CNEP1R1: variants seen among roughly 807,000 people sequenced by gnomAD.
CNEP1R1 encodes the protein nuclear envelope phosphatase-regulatory subunit 1.
A neutral mutation model predicts 22.7 loss-of-function variants in CNEP1R1; 10 were observed. That is an observed-to-expected ratio of 0.44 (90% CI 0.27 to 0.75). The LOEUF (loss-of-function observed/expected upper bound fraction) is 0.75, where lower values mean the gene tolerates loss of function less well. Ranked by LOEUF, CNEP1R1 falls within the 30% of genes least tolerant of loss-of-function variation. The pLI is 0.17. For missense variants in CNEP1R1, 73 were observed against 151.5 expected, an observed-to-expected ratio of 0.48 and a Z score of 2.72; for synonymous variants, 53 against 50.1, an observed-to-expected ratio of 1.06 and a Z score of -0.25.
intron 5 of CNEP1R1, chr16:50,034,398 T>C (rs892177116): frequency 2.0e-5 from 10 of 493,756 alleles, no homozygotes; most frequent in African/African-American, 1.8e-4. Flanking sequence ...CTTAATGACA[T>C]AAAATCATGA....
intron 5 of CNEP1R1, 39 bp downstream of exon 5, chr16:50,034,195 G>A: frequency 7.0e-7 from 1 of 1,419,776 alleles, no homozygotes; most frequent in Non-Finnish European, 9.7e-7. Context: ...AGACCTGCAT[G>A]AAAACACTGA....
At chr16:50,032,289 C>T (rs1243170115) in intron 3 of CNEP1R1, among the ~76,000 whole-genome samples, 2 of 152,196 alleles carry the variant, frequency 1.3e-5, no homozygotes, top group East Asian at 3.9e-4. Flanking sequence ...TCAACGTTTC[C>T]ATTTCGGTGC....
In CNEP1R1 at chr16:50,035,516, G is replaced by A. The variant is rs1567412458; in HGVS notation, c.*58G>A. ...AGCCTTTCTTCGAATAAGTGATACA[G>A]CAAAAAGCCATAAAGGATTCCTTTT... is the stretch of plus-strand genomic sequence containing the variant. On this transcript the variant is annotated 3_prime_UTR_variant, in exon 6 of 6. Transcript: ENST00000427478. The A allele has an allele frequency of 6.3e-6, 8 of 1,278,888 alleles. No homozygotes were observed. The highest frequency in any genetic ancestry group is 2.1e-5 in the Admixed American group (1 of 47,884). The allele number at this position is 1,278,888 out of a possible 1,614,324, so 79.2% of individuals were successfully genotyped here.
intron 1 of CNEP1R1, 189 bp downstream of exon 1, chr16:50,025,529 A>G: frequency 5.4e-6 from 6 of 1,108,640 alleles, no homozygotes; most frequent in Non-Finnish European, 7.8e-6. Context: ...CAGCTCCCTG[A>G]GTCCCCACAA....
rs1302036405 is a variant in CNEP1R1 at position 50,037,063 on chromosome 16, A to G, written c.*1605A>G. 6.7e-6 allele frequency: 1 copy of G among 150,150 alleles called. No individual in the cohort carries two copies. The highest frequency in any genetic ancestry group is 1.5e-5 in the Non-Finnish European group (1 of 67,712). The allele number at this position is 150,150 out of a possible 1,614,324, so 9.3% of individuals were successfully genotyped here. A position where few individuals can be genotyped will look rare whatever the true frequency, so the allele number is the denominator to read the frequency against. On this transcript the variant is annotated 3_prime_UTR_variant, in exon 6 of 6. Coordinates refer to ENST00000427478, the MANE Select transcript of CNEP1R1 (RefSeq NM_001281789.2). Reference sequence around the variant, plus strand: ...TTGTAGGTAAATATGTGCATTAAAAATAAATACTTTATATATAACTCGTGA... The same window carrying G: ...TTGTAGGTAAATATGTGCATTAAAAGTAAATACTTTATATATAACTCGTGA...
At chr16:50,033,589 C>A in intron 4 of CNEP1R1, 83 bp downstream of exon 4, 2 of 711,738 alleles carry the variant, frequency 2.8e-6, no homozygotes, top group South Asian at 1.8e-5. Flanking sequence ...TCTTGCCGGG[C>A]GTGGTGGCTC....
intron 5 of CNEP1R1, among the ~76,000 whole-genome samples, chr16:50,034,941 G>A (rs951039974): frequency 5.9e-5 from 9 of 152,136 alleles, no homozygotes; most frequent in Non-Finnish European, 1.0e-4. Flanking sequence ...TGTAATAAGG[G>A]TGTCTCACAA....
At chr16:50,025,413 G>A (rs1279534165) in intron 1 of CNEP1R1, 73 bp downstream of exon 1, 1 of 1,367,514 alleles carries the variant, frequency 7.3e-7, no homozygotes, top group Non-Finnish European at 9.6e-7. Flanking sequence ...AGCCGGCGTC[G>A]TGAAGACCCC....
intron 3 of CNEP1R1, among the ~76,000 whole-genome samples, chr16:50,030,984 C>T (rs1567411133): frequency 1.3e-5 from 2 of 152,288 alleles, no homozygotes; most frequent in South Asian, 4.1e-4. Flanking sequence ...AAATTTCCAC[C>T]TCTTTCTACT....
At chr16:50,027,381 G>A (rs1034714644) in intron 2 of CNEP1R1, among the ~76,000 whole-genome samples, 8 of 151,816 alleles carry the variant, frequency 5.3e-5, no homozygotes, top group African/African-American at 1.7e-4. Flanking sequence ...GGTGGCGGGC[G>A]CCTGTAGTCC....
rs185642108 is a variant in CNEP1R1, at chr16:50,026,288, A to G, written c.26-108A>G. 1.1e-3 allele frequency: 820 copies of G among 725,622 alleles called. 4 individuals are homozygous for G. The African/African-American group carries it at 0.013, about 12-fold the overall frequency. The allele number at this position is 725,622 out of a possible 1,614,324, so 44.9% of individuals were successfully genotyped here. A position where few individuals can be genotyped will look rare whatever the true frequency, so the allele number is the denominator to read the frequency against. ...CATGGAAGTTAGTGTGTAAGACCTG[A>G]AGCAGTTAAGAGTATCTCACATGTC... On this transcript the variant is annotated intron_variant, in intron 1 of 5. Transcript: ENST00000427478.
Position 50,033,419 on chromosome 16 carries a change from G to A in CNEP1R1, c.194G>A (p.Trp65Ter). The part of the protein sequence containing the change: ...TQKVSFFTSL[W>*]NHPFFTISCI... ...CAGGTGTCCTTCTTCACATCATTAT[G>A]GAATCACCCATTTTTCACCATTAGC... Residue 65 changes from tryptophan (W) to a stop codon, truncating the protein, a stop_gained, in exon 4 of 6, where the codon TGG becomes TAG. Coordinates refer to ENST00000427478, the MANE Select transcript of CNEP1R1 (RefSeq NM_001281789.2). LOFTEE classifies it high-confidence loss of function. 1 of 1,592,192 alleles carries A rather than the reference G, an allele frequency of 6.3e-7. No individual in the cohort carries two copies. Among genetic ancestry groups the A allele is most frequent in the South Asian group, 1.1e-5 (1 of 90,078 alleles).
chr16:50,033,830 C>T (rs1480252246), intron 4 of CNEP1R1, among the ~76,000 whole-genome samples: 4 of 148,098 alleles, frequency 2.7e-5, no homozygotes, highest in African/African-American at 9.9e-5. Context: ...CGCCACTGCA[C>T]TCCAGCCTGG....
At chr16:50,033,900 T>C (rs1211629596) in intron 4 of CNEP1R1, among the ~76,000 whole-genome samples, 1 of 148,052 alleles carries the variant, frequency 6.8e-6, no homozygotes, top group Non-Finnish European at 1.5e-5. Flanking sequence ...TGTTTTTTTT[T>C]TGAGACAGAG....
At position 50,035,730 on chromosome 16, in the gene CNEP1R1, A is replaced by T. The variant is rs546362775; in HGVS notation, c.*272A>T. ...TGCAGATGAAGTATGTATGTATGTT[A>T]CTAAGTTAAACTTAGAAACAGAACC... On this transcript the variant is annotated 3_prime_UTR_variant, in exon 6 of 6. Transcript: ENST00000427478. 157 of 335,456 alleles carry T rather than the reference A, an allele frequency of 4.7e-4. No individual in the cohort carries two copies. Among genetic ancestry groups the T allele is most frequent in the Non-Finnish European group, 7.2e-4 (133 of 184,888 alleles). 20.8% of individuals were successfully genotyped at this position (335,456 alleles called of 1,614,324 possible).
In CNEP1R1 at chr16:50,035,285, TATTA is replaced by T. The variant is rs1339733893; in HGVS notation, c.337-128_337-125del. ...ACAAAGGAAGCTCTGAAAGCATAAC[TATTA>T]ATTGTTTAATCTTGACTATAGAGAA... On this transcript the variant is annotated intron_variant, in intron 5 of 5. Transcript: ENST00000427478. 5 of 577,680 alleles carry T rather than the reference TATTA, an allele frequency of 8.7e-6. No homozygotes were observed. The East Asian group carries it at 9.0e-5, about 10-fold the overall frequency. The allele number at this position is 577,680 out of a possible 1,614,324, so 35.8% of individuals were successfully genotyped here.
In CNEP1R1 at chr16:50,033,524, T is replaced by A. The variant is rs376482684; in HGVS notation, c.281+18T>A. 2.9e-3 allele frequency: 3,803 copies of A among 1,292,992 alleles called. 135 individuals are homozygous for A. In the South Asian group the frequency reaches 0.045, roughly 15 times the overall value. 80.1% of individuals were successfully genotyped at this position (1,292,992 alleles called of 1,614,324 possible). A position where few individuals can be genotyped will look rare whatever the true frequency, so the allele number is the denominator to read the frequency against. ...CCATCAATGTATCCTTTACCAAGGATTAAATTCCATTCTCTGAAGTGCTTT... is the reference window on the plus strand; with the variant it reads ...CCATCAATGTATCCTTTACCAAGGAATAAATTCCATTCTCTGAAGTGCTTT... On this transcript the variant is annotated intron_variant, in intron 4 of 5. Transcript: ENST00000427478.
At chr16:50,034,002 C>T (rs1197010340) in intron 4 of CNEP1R1, 100 bp from the exon 5 acceptor site, 30 of 816,712 alleles carry the variant, frequency 3.7e-5, no homozygotes, top group East Asian at 2.4e-4. Context: ...CCGACCGCCT[C>T]GGCCTCCCAA....
In CNEP1R1 at chr16:50,037,081, A is replaced by G. The variant is rs1362239159; in HGVS notation, c.*1623A>G. 1.0e-5 allele frequency: 1 copy of G among 99,720 alleles called. No individual in the cohort carries two copies. Among genetic ancestry groups the G allele is most frequent in the Non-Finnish European group, 2.0e-5 (1 of 49,256 alleles). 6.2% of individuals were successfully genotyped at this position (99,720 alleles called of 1,614,324 possible). ...ATTAAAAATAAATACTTTATATATAACTCGTGATTGGACTTTTTCTTTATT... is the reference window on the plus strand; with the variant it reads ...ATTAAAAATAAATACTTTATATATAGCTCGTGATTGGACTTTTTCTTTATT... On this transcript the variant is annotated 3_prime_UTR_variant, in exon 6 of 6. Coordinates refer to ENST00000427478, the MANE Select transcript of CNEP1R1 (RefSeq NM_001281789.2).
Sources: allele counts gnomAD v4.1 joint callset (sites outside exome capture counted in the v4.1 genomes callset), GRCh38; gene constraint gnomAD v4.1.1; transcripts MANE v1.5; gene names NCBI Gene and HGNC (gene_info 2026-07-23, HGNC 2026-07-21).